The following UBE2E2 variants were observed in gnomAD, a reference collection of about 807,000 sequenced individuals.
UBE2E2 encodes the protein ubiquitin conjugating enzyme E2 E2, also known as ubiquitin-conjugating enzyme E2 E2.
Under a neutral mutation model 24.7 loss-of-function variants are expected in UBE2E2, and 6 were observed. The observed-to-expected ratio is 0.24, with a 90% CI of 0.13 to 0.48. The LOEUF is 0.48. Among genes scored for constraint, UBE2E2 ranks in the 20% least tolerant of loss-of-function variants. The pLI is 0.99. For synonymous variants in UBE2E2, 104 were observed against 83.6 expected, an observed-to-expected ratio of 1.24 and a Z score of -1.33; for missense variants, 169 against 245.0, an observed-to-expected ratio of 0.69 and a Z score of 2.07.
chr3:23,364,208 C>T (rs1027077878), intron 3 of UBE2E2, among the ~76,000 whole-genome samples: 3 of 151,904 alleles, frequency 2.0e-5, no homozygotes, highest in Admixed American at 1.3e-4. Context: ...TAACATCACA[C>T]CCAGAGGAAC....
chr3:23,512,442 A>AGCTCAACCAGTC (rs1694621025), intron 4 of UBE2E2, among the ~76,000 whole-genome samples: 1 of 148,206 alleles, frequency 6.7e-6, no homozygotes. Flanking sequence ...CTGATCTCAA[A>AGCTCAACCAGTC]CTCCTGAGCT....
At chr3:23,388,011 T>A (rs574278591) in intron 3 of UBE2E2, among the ~76,000 whole-genome samples, 61 of 152,188 alleles carry the variant, frequency 4.0e-4, no homozygotes, top group African/African-American at 1.4e-3. Flanking sequence ...GACAAAAAAA[T>A]TCCTGAAAAA....
At chr3:23,571,676 C>G (rs1246936932) in intron 5 of UBE2E2, among the ~76,000 whole-genome samples, 3 of 152,114 alleles carry the variant, frequency 2.0e-5, no homozygotes, top group Non-Finnish European at 4.4e-5. Context: ...CTCAGCTAGT[C>G]TAGGAGCAGG....
At chr3:23,480,242 G>A (rs1699229015) in intron 3 of UBE2E2, among the ~76,000 whole-genome samples, 1 of 152,216 alleles carries the variant, frequency 6.6e-6, no homozygotes, top group South Asian at 2.1e-4. Context: ...GCTGCCCTGA[G>A]CATGTTCATA....
chr3:23,449,603 A>G (rs1050043112), intron 3 of UBE2E2, among the ~76,000 whole-genome samples: 39 of 152,210 alleles, frequency 2.6e-4, no homozygotes, highest in Admixed American at 1.6e-3. Flanking sequence ...ATCTGGTTCA[A>G]TCTAATCTTT....
chr3:23,494,093 G>A (rs1481832953), intron 3 of UBE2E2, among the ~76,000 whole-genome samples: 3 of 152,228 alleles, frequency 2.0e-5, no homozygotes, highest in East Asian at 1.9e-4. Context: ...TGACTCCAGA[G>A]CCTGTTTATG....
chr3:23,524,339 A>G (rs1258973346), intron 4 of UBE2E2, among the ~76,000 whole-genome samples: 1 of 152,164 alleles, frequency 6.6e-6, no homozygotes, highest in African/African-American at 2.4e-5. Flanking sequence ...TTAATCTTAT[A>G]ACTAGTAACT....
At position 23,260,166 on chromosome 3, in the gene UBE2E2, T is replaced by C. The variant is rs1041780975; in HGVS notation, c.227+42854T>C. ...CTGAAAAGGAAATTTCTAATAGTTC[T>C]TTTTTGTTTGATGACACATTATAAA... On this transcript the variant is annotated intron_variant, in intron 3 of 5. Coordinates refer to ENST00000396703, the MANE Select transcript of UBE2E2 (RefSeq NM_152653.4). Among the ~76,000 whole-genome samples the C allele has an allele frequency of 4.6e-5, 7 of 152,340 alleles. No individual in the cohort carries two copies. The East Asian group carries it at 1.3e-3, about 29-fold the overall frequency.
chr3:23,386,392 G>A (rs1374808017), intron 3 of UBE2E2, among the ~76,000 whole-genome samples: 1 of 152,168 alleles, frequency 6.6e-6, no homozygotes, highest in Non-Finnish European at 1.5e-5. Context: ...ACCTCCGAAT[G>A]CAATCAGGTT....
At chr3:23,560,465 C>T (rs559146311) in intron 5 of UBE2E2, among the ~76,000 whole-genome samples, 2 of 151,976 alleles carry the variant, frequency 1.3e-5, no homozygotes, top group African/African-American at 4.8e-5. Context: ...CCAGTCCATC[C>T]TTGATGGACA....
chr3:23,290,650 A>G (rs1698739263), intron 3 of UBE2E2, among the ~76,000 whole-genome samples: 1 of 152,104 alleles, frequency 6.6e-6, no homozygotes, highest in Non-Finnish European at 1.5e-5. Context: ...CAAGCTTATC[A>G]TAGTTGTGAT....
chr3:23,517,605 G>A (rs1229322061), intron 4 of UBE2E2, among the ~76,000 whole-genome samples: 4 of 152,126 alleles, frequency 2.6e-5, no homozygotes, highest in Non-Finnish European at 2.9e-5. Flanking sequence ...ATAAAAATCA[G>A]TATCAGAGAT....
intron 3 of UBE2E2, among the ~76,000 whole-genome samples, chr3:23,355,627 T>C (rs1463672120): frequency 6.6e-6 from 1 of 152,216 alleles, no homozygotes; most frequent in Non-Finnish European, 1.5e-5. Context: ...TTTTTGTTTG[T>C]TTGTTTCATG....
rs753697145 is a variant in UBE2E2, at chr3:23,591,513, A to G, written c.*1682A>G. ...AACGATTTTACCATTCATTTTATTT[A>G]AAAACATTTCTCAGCATAGCAGGGC... On this transcript the variant is annotated 3_prime_UTR_variant, in exon 6 of 6. Transcript: ENST00000396703. 2.0e-5 allele frequency: 3 copies of G among 152,232 alleles called. No homozygotes were observed. The highest frequency in any genetic ancestry group is 4.4e-5 in the Non-Finnish European group (3 of 68,036). The allele number at this position is 152,232 out of a possible 1,614,324, so 9.4% of individuals were successfully genotyped here. A position where few individuals can be genotyped will look rare whatever the true frequency, so the allele number is the denominator to read the frequency against.
chr3:23,546,762 C>A (rs538015735), intron 5 of UBE2E2, among the ~76,000 whole-genome samples: 1 of 151,846 alleles, frequency 6.6e-6, no homozygotes, highest in Non-Finnish European at 1.5e-5. Context: ...CATGAGCCAC[C>A]GCGCCCGGCA....
In UBE2E2 at chr3:23,514,454, G is replaced by A. The variant is rs145058530; in HGVS notation, c.360+14714G>A. On this transcript the variant is annotated intron_variant, in intron 4 of 5. Coordinates refer to ENST00000396703, the MANE Select transcript of UBE2E2 (RefSeq NM_152653.4). ...GTTTGTAGTACTGAAATATTGTGCA[G>A]TGTGTATGTGTTTTCATTCTCATTC... Among the ~76,000 whole-genome samples, 296 of 152,228 alleles carry A rather than the reference G, an allele frequency of 1.9e-3. 2 individuals carry two copies. The highest frequency in any genetic ancestry group is 3.5e-3 in the Non-Finnish European group (239 of 68,012).
intron 3 of UBE2E2, among the ~76,000 whole-genome samples, chr3:23,400,043 A>G (rs75859164): frequency 0.029 from 4,386 of 152,210 alleles, 109 homozygotes; most frequent in East Asian, 0.13. Context: ...TATGTGAACT[A>G]TTACTACTCC....
At position 23,583,192 on chromosome 3, in the gene UBE2E2, T is replaced by C. The variant is rs1005766232; in HGVS notation, c.509-6542T>C. Reference sequence around the variant, plus strand: ...ACCATTTATTGAATAGGGAGTCCTTTCCCCATTGCTTATTTTTGTCAGCTT... The same window carrying C: ...ACCATTTATTGAATAGGGAGTCCTTCCCCCATTGCTTATTTTTGTCAGCTT... On this transcript the variant is annotated intron_variant, in intron 5 of 5. Transcript: ENST00000396703. The surrounding 1 kb of genome is among the most constrained non-coding windows in gnomAD (Gnocchi z 4.1). 1.3e-5 allele frequency among the ~76,000 whole-genome samples: 2 copies of C among 152,180 alleles called. No individual in the cohort carries two copies. Among genetic ancestry groups the C allele is most frequent in the African/African-American group, 4.8e-5 (2 of 41,426 alleles).
intron 3 of UBE2E2, among the ~76,000 whole-genome samples, chr3:23,394,139 C>G (rs767384125): frequency 6.6e-6 from 1 of 152,172 alleles, no homozygotes. Flanking sequence ...TGGAAAGATG[C>G]GTGCAAACAG....
Sources: allele counts gnomAD v4.1 joint callset (sites outside exome capture counted in the v4.1 genomes callset), GRCh38; gene constraint gnomAD v4.1.1; non-coding constraint Gnocchi (gnomAD v3.1); transcripts MANE v1.5; gene names NCBI Gene and HGNC (gene_info 2026-07-23, HGNC 2026-07-21).